CRPPA: variants seen among roughly 807,000 people sequenced by gnomAD.
The protein encoded by CRPPA is D-ribitol-5-phosphate cytidylyltransferase.
Under a neutral mutation model 52.0 loss-of-function variants are expected in CRPPA, and 43 were observed. That is an observed-to-expected ratio of 0.83 (90% CI 0.65 to 1.07). The LOEUF (loss-of-function observed/expected upper bound fraction) is 1.07, where lower values mean the gene tolerates loss of function less well. CRPPA is among the 50% of genes least tolerant of loss of function. CRPPA has a pLI of 0.00. For missense variants in CRPPA, 629 were observed against 551.7 expected, an observed-to-expected ratio of 1.14 and a Z score of -1.40; for synonymous variants, 250 against 203.5, an observed-to-expected ratio of 1.23 and a Z score of -1.94.
intron 9 of CRPPA, among the ~76,000 whole-genome samples, chr7:16,178,021 G>C (rs945122722): frequency 3.5e-4 from 53 of 149,796 alleles, no homozygotes; most frequent in African/African-American, 1.3e-3. Context: ...AAACACCAGA[G>C]AGATTAATGA....
At chr7:16,257,110 A>G (rs1400403982) in intron 8 of CRPPA, among the ~76,000 whole-genome samples, 2 of 152,060 alleles carry the variant, frequency 1.3e-5, no homozygotes, top group Non-Finnish European at 2.9e-5. Flanking sequence ...TCCTTATAAC[A>G]ACTTAAGAAG....
chr7:16,191,452 A>G lies in CRPPA; in HGVS notation c.1251+24614T>C, dbSNP rs1781607411. 2.0e-5 allele frequency among the ~76,000 whole-genome samples: 3 copies of G among 152,132 alleles called. No homozygotes were observed. In the South Asian group the frequency reaches 6.2e-4, roughly 32 times the overall value. Reference sequence around the variant, plus strand: ...TTCTGAGAGTAAAATAGATTTGCAGACTTTGATAATGGTGGTGTGGCTCAT... The same window carrying G: ...TTCTGAGAGTAAAATAGATTTGCAGGCTTTGATAATGGTGGTGTGGCTCAT... On this transcript the variant is annotated intron_variant, in intron 9 of 9. Transcript: ENST00000407010.
chr7:16,304,228 C>T (rs1784856352), intron 4 of CRPPA, among the ~76,000 whole-genome samples: 2 of 152,098 alleles, frequency 1.3e-5, no homozygotes. Context: ...CTGATCCCTA[C>T]TCCCAGAACC....
intron 2 of CRPPA, among the ~76,000 whole-genome samples, chr7:16,396,844 G>A (rs115875318): frequency 1.3e-5 from 2 of 152,218 alleles, no homozygotes; most frequent in African/African-American, 4.8e-5. Context: ...ATACGTATGT[G>A]ACACGTAATG....
intron 2 of CRPPA, among the ~76,000 whole-genome samples, chr7:16,396,294 T>C (rs1049902432): frequency 6.6e-6 from 1 of 152,182 alleles, no homozygotes; most frequent in Non-Finnish European, 1.5e-5. Flanking sequence ...TCCTACTTAA[T>C]ATCACATTTC....
chr7:16,255,874 T>C (rs963238500), intron 8 of CRPPA, among the ~76,000 whole-genome samples: 1 of 152,044 alleles, frequency 6.6e-6, no homozygotes, highest in African/African-American at 2.4e-5. Flanking sequence ...ATTCAGGACA[T>C]AAAGATGGGC....
chr7:16,089,183 TAC>T lies in CRPPA; in HGVS notation c.*2510_*2511del, dbSNP rs1781762042. 3.1e-6 allele frequency: 1 copy of T among 321,174 alleles called. No homozygotes were observed. The highest frequency in any genetic ancestry group is 7.1e-6 in the Non-Finnish European group (1 of 141,216). 19.9% of individuals were successfully genotyped at this position (321,174 alleles called of 1,614,324 possible). On this transcript the variant is annotated 3_prime_UTR_variant, in exon 10 of 10. Transcript: ENST00000407010. ...AAAAATACATATATACGTACGTATA[TAC>T]ATATATGTGTGTATATACGTACGTA...
chr7:16,229,818 G>T (rs904750411), intron 8 of CRPPA, among the ~76,000 whole-genome samples: 2 of 151,938 alleles, frequency 1.3e-5, no homozygotes, highest in Admixed American at 1.3e-4. Flanking sequence ...TGTGTATCAG[G>T]TCTGGTGGTG....
At chr7:16,411,233 T>C (rs1450047648) in intron 1 of CRPPA, among the ~76,000 whole-genome samples, 2 of 152,312 alleles carry the variant, frequency 1.3e-5, no homozygotes, top group Admixed American at 6.5e-5. Context: ...ACACAGGCAG[T>C]AACCTGCCCA....
intron 8 of CRPPA, among the ~76,000 whole-genome samples, chr7:16,234,982 G>A (rs1782906629): frequency 6.6e-6 from 1 of 151,990 alleles, no homozygotes; most frequent in Non-Finnish European, 1.5e-5. Flanking sequence ...ATTTCCAGAG[G>A]GCAAACTACT....
chr7:16,371,799 A>G (rs1407815640), intron 3 of CRPPA, among the ~76,000 whole-genome samples: 2 of 152,112 alleles, frequency 1.3e-5, no homozygotes, highest in East Asian at 3.9e-4. Flanking sequence ...AAAACAACTT[A>G]AAGACTTTTT....
intron 3 of CRPPA, among the ~76,000 whole-genome samples, chr7:16,358,751 G>GA (rs1282938474): frequency 6.6e-6 from 1 of 151,924 alleles, no homozygotes; most frequent in Admixed American, 6.6e-5. Flanking sequence ...AAAATATTCT[G>GA]AAAAAAACTG....
intron 8 of CRPPA, among the ~76,000 whole-genome samples, chr7:16,244,193 A>C (rs1783203156): frequency 1.3e-5 from 2 of 152,046 alleles, no homozygotes; most frequent in African/African-American, 4.8e-5. Flanking sequence ...TGGATCTTAG[A>C]ATAGTAGCCT....
intron 1 of CRPPA, among the ~76,000 whole-genome samples, chr7:16,419,064 G>A (rs191919052): frequency 6.6e-5 from 10 of 152,260 alleles, no homozygotes; most frequent in Admixed American, 4.6e-4. Context: ...AATATTATAG[G>A]TAAGTGGTTC....
At position 16,105,305 on chromosome 7, in the gene CRPPA, TAAG is replaced by T. The variant is rs1350143710; in HGVS notation, c.1252-13509_1252-13507del. The stretch of plus-strand genomic sequence containing the variant: ...ACGAATGAAGTTACAATGAGAAAGG[TAAG>T]AAGAATGATCTCACTCCAACTATGA... On this transcript the variant is annotated intron_variant, in intron 9 of 9. Coordinates refer to ENST00000407010, the MANE Select transcript of CRPPA (RefSeq NM_001101426.4). Among the ~76,000 whole-genome samples, 5 of 152,250 alleles carry T rather than the reference TAAG, an allele frequency of 3.3e-5. No individual in the cohort carries two copies. In the South Asian group the frequency reaches 8.3e-4, roughly 25 times the overall value.
chr7:16,377,181 G>A lies in CRPPA; in HGVS notation c.535-940C>T, dbSNP rs909916743. ...GGACTGGCTGAAAATCAAAGCAAAT[G>A]TATGAGCCAAAGAGACGGTTTATAA... is the stretch of plus-strand genomic sequence containing the variant. On this transcript the variant is annotated intron_variant, in intron 2 of 9. Coordinates refer to ENST00000407010, the MANE Select transcript of CRPPA (RefSeq NM_001101426.4). 5.9e-5 allele frequency among the ~76,000 whole-genome samples: 9 copies of A among 152,276 alleles called. No individual in the cohort carries two copies. The East Asian group carries it at 1.5e-3, about 26-fold the overall frequency.
intron 1 of CRPPA, among the ~76,000 whole-genome samples, chr7:16,415,705 C>A (rs73291276): frequency 6.6e-6 from 1 of 152,066 alleles, no homozygotes; most frequent in Non-Finnish European, 1.5e-5. Flanking sequence ...TAGGTTACCA[C>A]GCGCCTAGCT....
At chr7:16,103,600 T>C (rs1174459973) in intron 9 of CRPPA, among the ~76,000 whole-genome samples, 2 of 152,098 alleles carry the variant, frequency 1.3e-5, no homozygotes, top group African/African-American at 4.8e-5. Context: ...CTTCCTCCTA[T>C]GAAAAAACAC....
chr7:16,112,908 G>T (rs1782296198), intron 9 of CRPPA, among the ~76,000 whole-genome samples: 1 of 151,894 alleles, frequency 6.6e-6, no homozygotes, highest in Admixed American at 6.6e-5. Flanking sequence ...ATGTAGTTAG[G>T]CAAGACAGAC....
Sources: gnomAD v4.1 joint callset for allele counts (sites outside exome capture counted in the v4.1 genomes callset) on GRCh38, gnomAD v4.1.1 for gene constraint, MANE v1.5 for transcripts, NCBI Gene and HGNC (gene_info 2026-07-23, HGNC 2026-07-21) for gene names.